Variants in SMARCC2 observed in about 807,000 individuals in gnomAD.
SMARCC2 encodes the protein SWI/SNF complex subunit SMARCC2.
A neutral mutation model predicts 151.3 loss-of-function variants in SMARCC2; 15 were observed. That is an observed-to-expected ratio of 0.10 (90% CI 0.07 to 0.15). SMARCC2 has a LOEUF of 0.15. SMARCC2 is among the 10% of genes least tolerant of loss of function. The pLI, the probability that SMARCC2 is intolerant of heterozygous loss-of-function variation, is 1.00. For synonymous variants in SMARCC2, 590 were observed against 609.5 expected (o/e 0.97, Z 0.47); for missense variants, 1,031 against 1,599.7 (o/e 0.64, Z 6.06).
Position 56,174,637 on chromosome 12 carries a change from G to C in SMARCC2, c.1496+14C>G. 6.3e-7 allele frequency: 1 copy of C among 1,578,328 alleles called. No individual in the cohort carries two copies. Among genetic ancestry groups the C allele is most frequent in the South Asian group, 1.1e-5 (1 of 90,354 alleles). ...ATCCTCATGTACCCCCTTCCCCTCA[G>C]CCACAAGACCCACCTCATGATGGCA... On this transcript the variant is annotated intron_variant, in intron 16 of 28. Transcript: ENST00000550164.
Position 56,163,591 on chromosome 12 carries a change from C to T in SMARCC2, c.*98G>A. On this transcript the variant is annotated 3_prime_UTR_variant, in exon 29 of 29. Coordinates refer to ENST00000550164, the MANE Select transcript of SMARCC2 (RefSeq NM_001330288.2). ...GGAGCTTTCCTTACGTAGTGATGAA[C>T]TCTCCAGGCTGGGGAGGGTCCCAGT... The T allele has an allele frequency of 1.6e-6, 1 of 622,238 alleles. No individual in the cohort carries two copies. 38.5% of individuals were successfully genotyped at this position (622,238 alleles called of 1,614,324 possible).
At chr12:56,168,264 G>A (rs11171764) in intron 25 of SMARCC2, 70 bp from the exon 26 acceptor site, 15 of 1,571,318 alleles carry the variant, frequency 9.5e-6, no homozygotes, top group African/African-American at 2.7e-5. Flanking sequence ...AAGAAAGGTA[G>A]GGTGGATGCT....
intron 26 of SMARCC2, among the ~76,000 whole-genome samples, chr12:56,166,267 G>A (rs569140743): frequency 4.6e-5 from 7 of 151,946 alleles, no homozygotes; most frequent in Non-Finnish European, 1.0e-4. Context: ...TCAGCCTCCC[G>A]AGTAGCTGGG....
rs769380633 is a variant in SMARCC2 at position 56,172,589 on chromosome 12, G to A, written c.1859C>T (p.Ser620Phe). The change falls in exon 19 of 29, where the codon TCC (serine) becomes TTC (phenylalanine). Residue 620 changes from serine to phenylalanine, a missense_variant. This residue lies in a region of SMARCC2 where 99 missense variants were observed against 148.3 expected (regional missense o/e 0.67). Coordinates refer to ENST00000550164, the MANE Select transcript of SMARCC2 (RefSeq NM_001330288.2). ...GAGTCGGCCCGCACCTCCTACCTTGGAGGGAACATTCTTTTTTGTGTACAT... is the reference window on the plus strand; with the variant it reads ...GAGTCGGCCCGCACCTCCTACCTTGAAGGGAACATTCTTTTTTGTGTACAT... Reference protein sequence around the residue: ...TDMYTKKNVPSKSKAAASATR... With the variant: ...TDMYTKKNVPFKSKAAASATR... 2 of 1,614,232 alleles carry A rather than the reference G, an allele frequency of 1.2e-6. No homozygotes were observed. Among genetic ancestry groups the A allele is most frequent in the South Asian group, 2.2e-5 (2 of 91,084 alleles).
chr12:56,166,114 T>C (rs2135642272), intron 26 of SMARCC2, among the ~76,000 whole-genome samples: 1 of 152,350 alleles, frequency 6.6e-6, no homozygotes, highest in East Asian at 1.9e-4. Flanking sequence ...CTTTATTCTA[T>C]GATCTCAGGA....
chr12:56,174,568 T>C (rs1874572381), intron 16 of SMARCC2, 83 bp downstream of exon 16: 1 of 862,562 alleles, frequency 1.2e-6, no homozygotes, highest in Admixed American at 1.8e-5. Context: ...TCTGTGTTCC[T>C]TGCTGGCATC....
At chr12:56,177,979 G>C in intron 15 of SMARCC2, 43 bp downstream of exon 15, 1 of 1,315,428 alleles carries the variant, frequency 7.6e-7, no homozygotes, top group Non-Finnish European at 1.1e-6. Context: ...GTGAATGTGG[G>C]GACAGGAGGG....
intron 22 of SMARCC2, among the ~76,000 whole-genome samples, chr12:56,170,418 GT>G (rs748919017): frequency 6.7e-6 from 1 of 149,864 alleles, no homozygotes; most frequent in African/African-American, 2.5e-5. Context: ...CATAACACCT[GT>G]TTTTTTTTGT....
intron 22 of SMARCC2, among the ~76,000 whole-genome samples, chr12:56,170,723 A>AC (rs1873781973): frequency 8.6e-6 from 1 of 115,716 alleles, no homozygotes; most frequent in African/African-American, 3.5e-5. Flanking sequence ...CCTTCACAAG[A>AC]CTTTTTTTTT....
In SMARCC2 at chr12:56,181,022, G is replaced by A; in HGVS notation, c.1036C>T (p.Pro346Ser). ...TCTTCTACATTGGGGACTGGTGAGG[G>A]CTCGTCCATGTCCTTTGTCAGGTCT... ...QEDLTKDMDE[P>S]SPVPNVEEVT... Residue 346 changes from proline (P) to serine (S), a missense_variant, in exon 11 of 29, where the codon CCC becomes TCC. This residue lies in a region of SMARCC2 where 127 missense variants were observed against 141.7 expected (regional missense o/e 0.90). Transcript: ENST00000550164. 3.7e-6 allele frequency: 6 copies of A among 1,613,920 alleles called. No individual in the cohort carries two copies. Among genetic ancestry groups the A allele is most frequent in the Non-Finnish European group, 5.1e-6 (6 of 1,179,900 alleles).
chr12:56,172,352 G>A (rs1332092657), intron 20 of SMARCC2, 76 bp downstream of exon 20: 2 of 1,350,022 alleles, frequency 1.5e-6, no homozygotes, highest in South Asian at 2.9e-5. Flanking sequence ...AAAGTGCTGG[G>A]ATTACAGGCG....
intron 27 of SMARCC2, 54 bp from the exon 28 acceptor site, chr12:56,164,785 A>C: frequency 7.1e-7 from 1 of 1,406,528 alleles, no homozygotes; most frequent in Non-Finnish European, 9.7e-7. Flanking sequence ...TTGCTTAACA[A>C]CTCACCTTTT....
chr12:56,174,552 T>C, intron 16 of SMARCC2, 99 bp downstream of exon 16: 2 of 764,392 alleles, frequency 2.6e-6, no homozygotes, highest in South Asian at 1.5e-5. Flanking sequence ...TTTTTCTGTC[T>C]GCTCCTCTGT....
rs375137714 is a variant in SMARCC2, at chr12:56,178,984, G to A, written c.1141+13C>T. The stretch of plus-strand genomic sequence containing the variant: ...TGGCTCTGACTGCCGTGCCCAAGAG[G>A]CTCCTGTCTTACCCAGGTCGGTCAT... On this transcript the variant is annotated intron_variant, in intron 12 of 28. Coordinates refer to ENST00000550164, the MANE Select transcript of SMARCC2 (RefSeq NM_001330288.2). The A allele has an allele frequency of 2.9e-5, 47 of 1,613,638 alleles. No individual in the cohort carries two copies. The highest frequency in any genetic ancestry group is 2.3e-4 in the African/African-American group (17 of 74,908).
chr12:56,168,485 G>A (rs1873271600), intron 25 of SMARCC2, among the ~76,000 whole-genome samples: 1 of 150,852 alleles, frequency 6.6e-6, no homozygotes, highest in Non-Finnish European at 1.5e-5. Context: ...AGCAATTCTC[G>A]TGCCTTTGCC....
At chr12:56,183,789 GCT>G in intron 7 of SMARCC2, 70 bp downstream of exon 7, 1 of 986,776 alleles carries the variant, frequency 1.0e-6, no homozygotes, top group Non-Finnish European at 1.6e-6. Context: ...GTGGCCTCTT[GCT>G]CTGCTAGATG....
In SMARCC2 at chr12:56,181,831, T is replaced by C; in HGVS notation, c.713A>G (p.His238Arg). ...GTCGGTGTCCAGGATCCACTTTGCA[T>C]GAACCTAAAGTACAAAGGCAGATCA... ...APTPEKPRKV[H>R]AKWILDTDTF... Residue 238 changes from histidine to arginine, a missense_variant, in exon 9 of 29, where the codon CAT (histidine) becomes CGT (arginine). His to Arg is a conservative substitution (Grantham distance 29). Coordinates refer to ENST00000550164, the MANE Select transcript of SMARCC2 (RefSeq NM_001330288.2). 1 of 1,614,182 alleles carries C rather than the reference T, an allele frequency of 6.2e-7. No individual in the cohort carries two copies. The highest frequency in any genetic ancestry group is 8.5e-7 in the Non-Finnish European group (1 of 1,180,012).
Position 56,165,335 on chromosome 12 carries a change from G to T in SMARCC2, c.3215C>A (p.Pro1072His). The change falls in exon 27 of 29, where the codon CCC (proline) becomes CAC (histidine). Residue 1072 changes from proline (P) to histidine (H), a missense_variant. Transcript: ENST00000550164. ...PQPGAVPPGV[P>H]PPGPHGPSPF... ...ACACTTACCATGGGGTCCAGGGGGG[G>T]GAACCCCTGGTGGGACTGCCCCAGG... The T allele has an allele frequency of 2.0e-6, 3 of 1,495,110 alleles. No homozygotes were observed. The highest frequency in any genetic ancestry group is 2.8e-5 in the South Asian group (2 of 72,090). 92.6% of individuals were successfully genotyped at this position (1,495,110 alleles called of 1,614,324 possible).
chr12:56,162,479 G>C lies in SMARCC2; in HGVS notation c.*1210C>G, dbSNP rs74092005. On this transcript the variant is annotated 3_prime_UTR_variant, in exon 29 of 29. Transcript: ENST00000550164. Reference sequence around the variant, plus strand: ...AAGACGCAGAGGGAGAGAAACATGGGGACATGAGGAACAAAGGGCCTGGTG... The same window carrying C: ...AAGACGCAGAGGGAGAGAAACATGGCGACATGAGGAACAAAGGGCCTGGTG... The C allele has an allele frequency of 7.9e-4, 455 of 576,826 alleles. 6 individuals are homozygous for C. In the African/African-American group the frequency reaches 7.9e-3, roughly 10 times the overall value. The allele number at this position is 576,826 out of a possible 1,614,324, so 35.7% of individuals were successfully genotyped here. A position where few individuals can be genotyped will look rare whatever the true frequency, so the allele number is the denominator to read the frequency against.
Sources: gnomAD v4.1 joint callset for allele counts (sites outside exome capture counted in the v4.1 genomes callset) on GRCh38, gnomAD v4.1.1 for gene constraint, gnomAD v4.1.1 regional missense constraint, MANE v1.5 for transcripts, NCBI Gene and HGNC (gene_info 2026-07-23, HGNC 2026-07-21) for gene names.